Variants in CHN1 observed in about 807,000 individuals in gnomAD.
CHN1 encodes chimerin 1, also known as N-chimaerin.
Under a neutral mutation model 59.5 loss-of-function variants are expected in CHN1, and 37 were observed. The observed-to-expected ratio is 0.62, with a 90% CI of 0.48 to 0.82. CHN1 has a LOEUF of 0.82. Among genes scored for constraint, CHN1 ranks in the 40% least tolerant of loss-of-function variants. The pLI is 0.00. For synonymous variants in CHN1, 206 were observed against 200.4 expected (o/e 1.03, Z -0.24); for missense variants, 469 against 571.0 (o/e 0.82, Z 1.82).
chr2:174,863,189 G>A (rs963584255), intron 6 of CHN1, among the ~76,000 whole-genome samples: 3 of 152,082 alleles, frequency 2.0e-5, no homozygotes, highest in Non-Finnish European at 4.4e-5. Context: ...GAAGACCTAC[G>A]TAACTCAGTG....
intron 5 of CHN1, 116 bp downstream of exon 5, chr2:174,914,942 G>T: frequency 1.9e-6 from 1 of 530,294 alleles, no homozygotes; most frequent in Non-Finnish European, 3.3e-6. Flanking sequence ...ATGGTAATTA[G>T]ATCCCAAGAA....
chr2:174,859,194 G>C (rs1043422759), intron 6 of CHN1, among the ~76,000 whole-genome samples: 1 of 152,054 alleles, frequency 6.6e-6, no homozygotes, highest in Non-Finnish European at 1.5e-5. Flanking sequence ...ATCCAGGAGT[G>C]GCTCTCCAAG....
chr2:174,941,464 T>C (rs1350549630), intron 3 of CHN1, among the ~76,000 whole-genome samples: 2 of 152,170 alleles, frequency 1.3e-5, no homozygotes, highest in African/African-American at 2.4e-5. Context: ...TTGTGTCCCA[T>C]TCTCCTAATT....
chr2:174,964,946 T>C (rs898950760), intron 1 of CHN1, among the ~76,000 whole-genome samples: 1 of 152,176 alleles, frequency 6.6e-6, no homozygotes, highest in South Asian at 2.1e-4. Context: ...TTTGTGCTGC[T>C]TTTTCTCTAA....
intron 5 of CHN1, among the ~76,000 whole-genome samples, chr2:174,891,159 AAAAAAAG>A (rs1558969592): frequency 1.4e-4 from 20 of 144,906 alleles, no homozygotes; most frequent in Non-Finnish European, 2.0e-4. Context: ...AAAAAAAAAA[AAAAAAAG>A]AAAAAAGAAA....
chr2:174,918,211 T>G (rs943695271), intron 4 of CHN1, among the ~76,000 whole-genome samples: 1 of 152,182 alleles, frequency 6.6e-6, no homozygotes, highest in Non-Finnish European at 1.5e-5. Context: ...TGTGTGTGTA[T>G]ATACGTATCT....
At position 174,799,158 on chromosome 2, in the gene CHN1, C is replaced by G. The variant is rs941557041; in HGVS notation, c.*958G>C. Among the ~76,000 whole-genome samples, 1 of 152,324 alleles carries G rather than the reference C, an allele frequency of 6.6e-6. No individual in the cohort carries two copies. The highest frequency in any genetic ancestry group is 2.1e-4 in the South Asian group (1 of 4,832). On this transcript the variant is annotated 3_prime_UTR_variant, in exon 13 of 13. Transcript: ENST00000409900. ...AGCTCTGGTAGGAACTCCTGCCCAA[C>G]CTCTCATTAAAAAGTATGTCAAGAA...
intron 6 of CHN1, among the ~76,000 whole-genome samples, chr2:174,863,143 G>A (rs1687117862): frequency 6.6e-6 from 1 of 152,136 alleles, no homozygotes; most frequent in African/African-American, 2.4e-5. Flanking sequence ...TAACAAATGT[G>A]ACTTTTTGAT....
At chr2:174,828,408 A>G (rs1258031970) in intron 7 of CHN1, among the ~76,000 whole-genome samples, 1 of 152,198 alleles carries the variant, frequency 6.6e-6, no homozygotes, top group African/African-American at 2.4e-5. Flanking sequence ...TTCACTTTAT[A>G]TGCAGTTTTA....
chr2:174,851,950 C>G (rs1431123927), intron 6 of CHN1, among the ~76,000 whole-genome samples: 2 of 152,078 alleles, frequency 1.3e-5, no homozygotes, highest in African/African-American at 2.4e-5. Context: ...CATTTCTATA[C>G]ACCAATAATG....
chr2:174,859,787 T>C (rs1687015074), intron 6 of CHN1, among the ~76,000 whole-genome samples: 1 of 152,270 alleles, frequency 6.6e-6, no homozygotes, highest in South Asian at 2.1e-4. Flanking sequence ...TATAACAGGC[T>C]GACTCTTAAC....
chr2:174,925,445 G>C (rs1375320849), intron 3 of CHN1, among the ~76,000 whole-genome samples: 1 of 152,224 alleles, frequency 6.6e-6, no homozygotes, highest in Non-Finnish European at 1.5e-5. Context: ...CCCTTGTGGG[G>C]GAATTTGCAA....
In CHN1 at chr2:174,915,163, C is replaced by A; in HGVS notation, c.155G>T (p.Gly52Val). 4 of 1,608,296 alleles carry A rather than the reference C, an allele frequency of 2.5e-6. No individual in the cohort carries two copies. The highest frequency in any genetic ancestry group is 3.4e-6 in the Non-Finnish European group (4 of 1,176,990). ...GTCGGCTGCTTCTCTGGAGATCATG[C>A]CATGAAACCTAAGAAACAAAGTCTA... The part of the protein sequence containing the change: ...RPKYYGREFH[G>V]MISREAADQL... Residue 52 changes from glycine (G) to valine (V), a missense_variant, in exon 5 of 13, where the codon GGC becomes GTC. Physicochemically the swap from Gly to Val is moderately radical, Grantham distance 109. This residue lies in a region of CHN1 where 152 missense variants were observed against 166.1 expected (regional missense o/e 0.92). Transcript: ENST00000409900.
chr2:174,946,463 G>A (rs1044855304), intron 2 of CHN1, among the ~76,000 whole-genome samples: 1 of 152,162 alleles, frequency 6.6e-6, no homozygotes, highest in African/African-American at 2.4e-5. Flanking sequence ...TCTACTGGTA[G>A]AAATGTATTC....
intron 3 of CHN1, among the ~76,000 whole-genome samples, chr2:174,926,911 C>A (rs981422722): frequency 5.9e-5 from 9 of 152,092 alleles, no homozygotes; most frequent in African/African-American, 2.2e-4. Context: ...GCGCCCGCCA[C>A]CACGCCCAGC....
chr2:174,902,878 G>C (rs1688433348), intron 5 of CHN1, among the ~76,000 whole-genome samples: 1 of 152,110 alleles, frequency 6.6e-6, no homozygotes, highest in African/African-American at 2.4e-5. Flanking sequence ...GAACTCTTTG[G>C]CCAAGCTCAC....
chr2:175,004,126 G>A (rs978039207), intron 1 of CHN1, among the ~76,000 whole-genome samples: 6 of 152,110 alleles, frequency 3.9e-5, no homozygotes. Flanking sequence ...AGTCAGGTAC[G>A]TATGTACCAT....
At chr2:174,824,258 G>A (rs35769480) in intron 8 of CHN1, among the ~76,000 whole-genome samples, 176 bp downstream of exon 8, 100 of 152,286 alleles carry the variant, frequency 6.6e-4, no homozygotes, top group Non-Finnish European at 6.0e-4. Flanking sequence ...AGAAGGTTAA[G>A]AGCAGATAAA....
intron 1 of CHN1, among the ~76,000 whole-genome samples, chr2:174,981,096 A>C (rs1186467402): frequency 6.6e-6 from 1 of 152,180 alleles, no homozygotes; most frequent in Non-Finnish European, 1.5e-5. Context: ...GCCATGATCA[A>C]ATGATATTTT....
Sources: gnomAD v4.1 joint callset for allele counts (sites outside exome capture counted in the v4.1 genomes callset) on GRCh38, gnomAD v4.1.1 for gene constraint, gnomAD v4.1.1 regional missense constraint, MANE v1.5 for transcripts, NCBI Gene and HGNC (gene_info 2026-07-23, HGNC 2026-07-21) for gene names.